ID2: variants seen among roughly 807,000 people sequenced by gnomAD.
ID2 encodes the protein inhibitor of DNA binding 2.
In ID2, 2 loss-of-function variants were observed where a neutral mutation model predicts 8.3. The observed-to-expected ratio is 0.24, with a 90% CI of 0.10 to 0.76. The LOEUF is 0.76. Among genes scored for constraint, ID2 ranks in the 30% least tolerant of loss-of-function variants. ID2 has a pLI of 0.73. For synonymous variants in ID2, 112 were observed against 72.3 expected (o/e 1.55, Z -2.79); for missense variants, 155 against 167.0 (o/e 0.93, Z 0.40).
chr2:8,682,821 T>C (rs747779416), intron 1 of ID2, 22 bp from the exon 2 acceptor site: 1 of 1,545,552 alleles, frequency 6.5e-7, no homozygotes. Flanking sequence ...AACCTCGTAC[T>C]CTTTATCCTC....
At position 8,684,192 on chromosome 2, in the gene ID2, A is replaced by G. The variant is rs1406487133; in HGVS notation, c.*515A>G. 6.6e-6 allele frequency: 1 copy of G among 152,332 alleles called. No individual in the cohort carries two copies. Among genetic ancestry groups the G allele is most frequent in the Non-Finnish European group, 1.5e-5 (1 of 68,026 alleles). The allele number at this position is 152,332 out of a possible 1,614,324, so 9.4% of individuals were successfully genotyped here. On this transcript the variant is annotated 3_prime_UTR_variant, in exon 3 of 3. Coordinates refer to ENST00000396290, the MANE Select transcript of ID2 (RefSeq NM_002166.5). ...CTCTTTAATTAGAGTTTTCTTGTAT[A>G]GTGGCAGAGATGTCTATTTCTGCAT...
chr2:8,682,161 T>C lies in ID2; in HGVS notation c.-5T>C. The C allele has an allele frequency of 6.2e-7, 1 of 1,609,280 alleles. No individual in the cohort carries two copies. Among genetic ancestry groups the C allele is most frequent in the Non-Finnish European group, 8.5e-7 (1 of 1,177,230 alleles). ...CTCCCGGTCTCGCCTTCCCTCGCGG[T>C]CAGCATGAAAGCCTTCAGTCCCGTG... On this transcript the variant is annotated 5_prime_UTR_variant, in exon 1 of 3. Transcript: ENST00000396290.
Position 8,682,128 on chromosome 2 carries a change from C to G in ID2, c.-38C>G. 2 of 1,549,954 alleles carry G rather than the reference C, an allele frequency of 1.3e-6. No homozygotes were observed. The highest frequency in any genetic ancestry group is 1.8e-6 in the Non-Finnish European group (2 of 1,130,674). ...AGCGGCGGCCTGAGCTTCAGGGCAG[C>G]CAGCTCCCTCCCGGTCTCGCCTTCC... is the stretch of plus-strand genomic sequence containing the variant. On this transcript the variant is annotated 5_prime_UTR_variant, in exon 1 of 3. Coordinates refer to ENST00000396290, the MANE Select transcript of ID2 (RefSeq NM_002166.5).
In ID2 at chr2:8,682,906, GGTGA is replaced by G. The variant is rs1418560989; in HGVS notation, c.*7+4_*7+7del. 2.5e-6 allele frequency: 4 copies of G among 1,613,342 alleles called. No individual in the cohort carries two copies. Among genetic ancestry groups the G allele is most frequent in the Non-Finnish European group, 3.4e-6 (4 of 1,179,274 alleles). Reference sequence around the variant, plus strand: ...CAAAGCACTGTGTGGCTGAATAAGCGGTGAGTGTTTGCTTGTGCCACCCGTGGGT... The same window carrying G: ...CAAAGCACTGTGTGGCTGAATAAGCGGTGTTTGCTTGTGCCACCCGTGGGT... On this transcript the variant is annotated splice_donor_variant and splice_donor_region_variant and intron_variant, in intron 2 of 2. Transcript: ENST00000396290. LOFTEE classifies it low-confidence loss of function (3UTR_SPLICE).
intron 2 of ID2, chr2:8,683,151 G>A: frequency 1.8e-6 from 1 of 557,600 alleles, no homozygotes; most frequent in Non-Finnish European, 3.2e-6. Context: ...GAAGGCGGCC[G>A]AGGAACGTGT....
Position 8,682,118 on chromosome 2 carries a change from T to C in ID2, c.-48T>C. ...AGCAGGCGGCAGCGGCGGCCTGAGC[T>C]TCAGGGCAGCCAGCTCCCTCCCGGT... On this transcript the variant is annotated 5_prime_UTR_variant, in exon 1 of 3. Coordinates refer to ENST00000396290, the MANE Select transcript of ID2 (RefSeq NM_002166.5). The C allele has an allele frequency of 6.6e-7, 1 of 1,504,494 alleles. No homozygotes were observed. Among genetic ancestry groups the C allele is most frequent in the Non-Finnish European group, 9.1e-7 (1 of 1,093,650 alleles). 93.2% of individuals were successfully genotyped at this position (1,504,494 alleles called of 1,614,324 possible).
At chr2:8,682,619 T>C (rs1335839367) in intron 1 of ID2, 106 bp downstream of exon 1, 6 of 811,362 alleles carry the variant, frequency 7.4e-6, no homozygotes, top group Non-Finnish European at 9.8e-6. Flanking sequence ...GTATGAGCTA[T>C]TTAACTTTAT....
chr2:8,683,147 G>A, intron 2 of ID2: 1 of 559,170 alleles, frequency 1.8e-6, no homozygotes, highest in Non-Finnish European at 3.2e-6. Flanking sequence ...CTACGAAGGC[G>A]GCCGAGGAAC....
rs766497047 is a variant in ID2 at position 8,683,122 on chromosome 2, G to T, written c.*7+216G>T. On this transcript the variant is annotated intron_variant, in intron 2 of 2. Transcript: ENST00000396290. ...AGAACATTTTCCTTTAAAAGGAAAT[G>T]ATGCCAATAACTTACTACGAAGGCG... The T allele has an allele frequency of 1.4e-4, 79 of 582,712 alleles. 1 individual carries two copies. Among genetic ancestry groups the T allele is most frequent in the South Asian group, 6.8e-4 (34 of 49,810 alleles). 36.1% of individuals were successfully genotyped at this position (582,712 alleles called of 1,614,324 possible).
intron 2 of ID2, 175 bp downstream of exon 2, chr2:8,683,081 G>A (rs960384405): frequency 3.2e-6 from 2 of 621,896 alleles, no homozygotes; most frequent in Admixed American, 2.8e-5. Flanking sequence ...TTGTAGCTTT[G>A]GGTGCTCGAG....
intron 2 of ID2, chr2:8,683,117 G>A: frequency 1.7e-6 from 1 of 585,704 alleles, no homozygotes; most frequent in Non-Finnish European, 3.1e-6. Flanking sequence ...CCTTTAAAAG[G>A]AAATGATGCC....
rs2147895962 is a variant in ID2 at position 8,683,843 on chromosome 2, T to C, written c.*166T>C. 1 of 152,642 alleles carries C rather than the reference T, an allele frequency of 6.6e-6. No individual in the cohort carries two copies. The highest frequency in any genetic ancestry group is 2.4e-5 in the African/African-American group (1 of 41,558). 9.5% of individuals were successfully genotyped at this position (152,642 alleles called of 1,614,324 possible). ...AAAATGGAAGGAAAACTAAGAATGA[T>C]CATCTTCCCAGGGTGTTCTCTTACT... On this transcript the variant is annotated 3_prime_UTR_variant, in exon 3 of 3. Coordinates refer to ENST00000396290, the MANE Select transcript of ID2 (RefSeq NM_002166.5).
Position 8,683,293 on chromosome 2 carries a change from A to C in ID2, c.*7+387A>C, listed in dbSNP as rs74467097. Reference sequence around the variant, plus strand: ...AGTGATCCTCCTTCCCTAAAACTATAGTCCTCTGGGATTCTCTGGGCTAGT... The same window carrying C: ...AGTGATCCTCCTTCCCTAAAACTATCGTCCTCTGGGATTCTCTGGGCTAGT... On this transcript the variant is annotated intron_variant, in intron 2 of 2. Coordinates refer to ENST00000396290, the MANE Select transcript of ID2 (RefSeq NM_002166.5). 1.4e-4 allele frequency among the ~76,000 whole-genome samples: 21 copies of C among 152,292 alleles called. No homozygotes were observed. In the East Asian group the frequency reaches 4.1e-3, roughly 29 times the overall value.
Position 8,682,108 on chromosome 2 carries a change from C to CG in ID2, c.-56dup, listed in dbSNP as rs1272822062. 8.6e-6 allele frequency: 12 copies of CG among 1,389,372 alleles called. No homozygotes were observed. In the Admixed American group the frequency reaches 2.2e-4, roughly 25 times the overall value. 86.1% of individuals were successfully genotyped at this position (1,389,372 alleles called of 1,614,324 possible). A position where few individuals can be genotyped will look rare whatever the true frequency, so the allele number is the denominator to read the frequency against. On this transcript the variant is annotated 5_prime_UTR_variant, in exon 1 of 3. Coordinates refer to ENST00000396290, the MANE Select transcript of ID2 (RefSeq NM_002166.5). ...CAGCTAGCTCAGCAGGCGGCAGCGG[C>CG]GGCCTGAGCTTCAGGGCAGCCAGCT...
chr2:8,682,732 GT>G (rs1662116901), intron 1 of ID2, 110 bp from the exon 2 acceptor site: 3 of 804,702 alleles, frequency 3.7e-6, no homozygotes, highest in Non-Finnish European at 6.0e-6. Context: ...CCATAAACGT[GT>G]TTAATGGAAC....
At chr2:8,682,791 T>G in intron 1 of ID2, 52 bp from the exon 2 acceptor site, 1 of 1,188,900 alleles carries the variant, frequency 8.4e-7, no homozygotes, top group Non-Finnish European at 1.2e-6. Context: ...AAAAAAACCC[T>G]TTCTACTTAA....
Position 8,683,899 on chromosome 2 carries a change from G to A in ID2, c.*222G>A, listed in dbSNP as rs1219582584. 7 of 152,512 alleles carry A rather than the reference G, an allele frequency of 4.6e-5. No individual in the cohort carries two copies. The highest frequency in any genetic ancestry group is 7.3e-5 in the Non-Finnish European group (5 of 68,034). The allele number at this position is 152,512 out of a possible 1,614,324, so 9.4% of individuals were successfully genotyped here. ...TGTGATATTCGTTATTTATGAAAAA[G>A]ACTTTTAAATGCCCTTTCTGCAGTT... On this transcript the variant is annotated 3_prime_UTR_variant, in exon 3 of 3. Coordinates refer to ENST00000396290, the MANE Select transcript of ID2 (RefSeq NM_002166.5).
Position 8,683,114 on chromosome 2 carries a change from A to G in ID2, c.*7+208A>G, listed in dbSNP as rs935248954. ...GAGATCACAGAACATTTTCCTTTAA[A>G]AGGAAATGATGCCAATAACTTACTA... is the stretch of plus-strand genomic sequence containing the variant. On this transcript the variant is annotated intron_variant, in intron 2 of 2. Coordinates refer to ENST00000396290, the MANE Select transcript of ID2 (RefSeq NM_002166.5). 13 of 586,254 alleles carry G rather than the reference A, an allele frequency of 2.2e-5. No homozygotes were observed. In the African/African-American group the frequency reaches 2.4e-4, roughly 11 times the overall value. 36.3% of individuals were successfully genotyped at this position (586,254 alleles called of 1,614,324 possible).
Position 8,682,262 on chromosome 2 carries a change from A to G in ID2, c.97A>G (p.Met33Val), listed in dbSNP as rs1558272609. The part of the protein sequence containing the change: ...SRSKTPVDDP[M>V]SLLYNMNDCY... ...GAGCAAAACCCCTGTGGACGACCCG[A>G]TGAGCCTGCTATACAACATGAACGA... The change falls in exon 1 of 3, where the codon ATG (methionine) becomes GTG (valine). Residue 33 changes from methionine to valine, a missense_variant. By Grantham distance (21) the Met-to-Val change is conservative. Coordinates refer to ENST00000396290, the MANE Select transcript of ID2 (RefSeq NM_002166.5). 1.9e-6 allele frequency: 3 copies of G among 1,614,158 alleles called. No individual in the cohort carries two copies. The highest frequency in any genetic ancestry group is 2.2e-5 in the East Asian group (1 of 44,884).
Sources: allele counts gnomAD v4.1 joint callset (sites outside exome capture counted in the v4.1 genomes callset), GRCh38; gene constraint gnomAD v4.1.1; transcripts MANE v1.5; gene names NCBI Gene and HGNC (gene_info 2026-07-23, HGNC 2026-07-21).